IQCK: variants seen among roughly 807,000 people sequenced by gnomAD.
IQCK encodes IQ domain-containing protein K.
IQCK carries 29 observed loss-of-function variants against 28.1 expected under a neutral mutation model. The ratio of observed to expected loss-of-function variants is 1.03; its 90% CI spans 0.77 to 1.41. The LOEUF is 1.41. Ranked by LOEUF, IQCK falls within the 40% of genes most tolerant of loss-of-function variation. The pLI is 0.00. For missense variants in IQCK, 359 were observed against 314.7 expected (o/e 1.14, Z -1.07); for synonymous variants, 113 against 115.1 (o/e 0.98, Z 0.12).
At chr16:19,719,895 A>C (rs1418981971) in intron 1 of IQCK, among the ~76,000 whole-genome samples, 2 of 150,282 alleles carry the variant, frequency 1.3e-5, no homozygotes, top group African/African-American at 4.9e-5. Flanking sequence ...CTGCTCTTGA[A>C]CTCCTGACCT....
At chr16:19,842,359 T>A (rs1045328159) in intron 9 of IQCK, among the ~76,000 whole-genome samples, 1 of 152,248 alleles carries the variant, frequency 6.6e-6, no homozygotes, top group African/African-American at 2.4e-5. Context: ...ATTTTTTAAG[T>A]TGAAGGTGGC....
At chr16:19,778,398 G>A (rs1350406673) in intron 6 of IQCK, among the ~76,000 whole-genome samples, 1 of 152,142 alleles carries the variant, frequency 6.6e-6, no homozygotes, top group South Asian at 2.1e-4. Context: ...TGTAGTGCCT[G>A]TAATCCCAGC....
chr16:19,841,847 CTTT>C (rs35552172), intron 9 of IQCK, among the ~76,000 whole-genome samples: 4 of 143,498 alleles, frequency 2.8e-5, no homozygotes, highest in Non-Finnish European at 1.5e-5. Context: ...TGTAAGCCAT[CTTT>C]TTTTTTTTTT....
chr16:19,751,389 G>T (rs2054984761), intron 4 of IQCK, among the ~76,000 whole-genome samples: 1 of 152,010 alleles, frequency 6.6e-6, no homozygotes, highest in Admixed American at 6.6e-5. Flanking sequence ...GAGGTGAGAG[G>T]ATTGCTTGAG....
At chr16:19,828,690 A>C (rs2056184710), downstream of IQCK, among the ~76,000 whole-genome samples, 4 of 149,856 alleles carry the variant, frequency 2.7e-5, no homozygotes, top group South Asian at 8.4e-4. Context: ...CAGCCTGGCC[A>C]ACATGGTGAA....
At chr16:19,845,563 T>C (rs1033870813) in intron 9 of IQCK, among the ~76,000 whole-genome samples, 4 of 152,210 alleles carry the variant, frequency 2.6e-5, no homozygotes, top group Non-Finnish European at 4.4e-5. Context: ...ACTGCAGCAC[T>C]AAAACTCCAA....
intron 4 of IQCK, among the ~76,000 whole-genome samples, chr16:19,745,491 G>A (rs1227472687): frequency 6.6e-6 from 1 of 152,130 alleles, no homozygotes; most frequent in African/African-American, 2.4e-5. Flanking sequence ...AACAAAGTGG[G>A]TTTTATTTTA....
intron 6 of IQCK, chr16:19,764,426 T>C (rs1329006389): frequency 4.8e-6 from 1 of 206,446 alleles, no homozygotes; most frequent in African/African-American, 2.3e-5. Flanking sequence ...TCAGGAAATA[T>C]GACTAAGCTT....
intron 9 of IQCK, among the ~76,000 whole-genome samples, chr16:19,841,889 A>C (rs2056366061): frequency 6.6e-6 from 1 of 150,868 alleles, no homozygotes; most frequent in Non-Finnish European, 1.5e-5. Flanking sequence ...CTTGTCACCC[A>C]AGCTGGAGTT....
chr16:19,849,330 C>T (rs772150445), intron 9 of IQCK, among the ~76,000 whole-genome samples: 16 of 149,296 alleles, frequency 1.1e-4, no homozygotes, highest in Non-Finnish European at 1.8e-4. Context: ...TAATTTTGGA[C>T]GTAATGAATG....
At chr16:19,727,585 ACCC>A (rs10609957) in intron 1 of IQCK, among the ~76,000 whole-genome samples, 2,132 of 123,018 alleles carry the variant, frequency 0.017, 49 homozygotes, top group African/African-American at 0.056. Context: ...AGACTTTGTC[ACCC>A]CCCCCCCCCA....
At chr16:19,753,034 T>C (rs925106855) in intron 4 of IQCK, among the ~76,000 whole-genome samples, 10 of 151,510 alleles carry the variant, frequency 6.6e-5, no homozygotes, top group African/African-American at 2.2e-4. Flanking sequence ...GCCTATGTCC[T>C]ATAAGGCTCA....
chr16:19,828,204 G>C (rs554986786), downstream of IQCK, among the ~76,000 whole-genome samples: 3 of 149,264 alleles, frequency 2.0e-5, no homozygotes, highest in African/African-American at 7.4e-5. Context: ...GAGCCAGCGC[G>C]CCTGGCTGAT....
At chr16:19,754,411 T>TCCC (rs2055025266) in intron 4 of IQCK, among the ~76,000 whole-genome samples, 1 of 152,218 alleles carries the variant, frequency 6.6e-6, no homozygotes, top group Non-Finnish European at 1.5e-5. Flanking sequence ...GGACTCTGGG[T>TCCC]AGAGGCCATA....
intron 6 of IQCK, among the ~76,000 whole-genome samples, chr16:19,774,553 G>C (rs2151720708): frequency 6.6e-6 from 1 of 151,908 alleles, no homozygotes; most frequent in African/African-American, 2.4e-5. Context: ...CTAATTTTTT[G>C]TAGATTTCAC....
Position 19,748,846 on chromosome 16 carries a change from A to T in IQCK, c.474+13396A>T, listed in dbSNP as rs543745733. ...TAGAATCTGAGAATGTAATATAAAG[A>T]CACCTCCTAGAATTAAGCAACTGCT... On this transcript the variant is annotated intron_variant, in intron 4 of 7. Transcript: ENST00000564186. Among the ~76,000 whole-genome samples the T allele has an allele frequency of 5.3e-5, 8 of 152,288 alleles. No homozygotes were observed. In the South Asian group the frequency reaches 1.7e-3, roughly 32 times the overall value.
rs144617055 is a variant in IQCK at position 19,756,650 on chromosome 16, G to C, written c.475-7198G>C. ...GCCTGTAATCCCAGCACTTTGGGAG[G>C]CCGAGGCCAGCGGATCATGAGGTCA... is the stretch of plus-strand genomic sequence containing the variant. On this transcript the variant is annotated intron_variant, in intron 4 of 7. Transcript: ENST00000564186. 2.1e-3 allele frequency among the ~76,000 whole-genome samples: 314 copies of C among 152,246 alleles called. 2 individuals carry two copies. Among genetic ancestry groups the C allele is most frequent in the Middle Eastern group, 0.01 (3 of 294 alleles).
intron 9 of IQCK, among the ~76,000 whole-genome samples, chr16:19,848,672 T>C (rs1316301976): frequency 1.3e-5 from 2 of 152,172 alleles, no homozygotes; most frequent in African/African-American, 4.8e-5. Flanking sequence ...GGATCATCTT[T>C]AATCTTCATA....
intron 6 of IQCK, among the ~76,000 whole-genome samples, chr16:19,767,376 A>G (rs2055254216): frequency 6.6e-6 from 1 of 152,114 alleles, no homozygotes. Context: ...GCAAAGTTTT[A>G]TTGAGTGGAA....
Sources: allele counts gnomAD v4.1 joint callset (sites outside exome capture counted in the v4.1 genomes callset), GRCh38; gene constraint gnomAD v4.1.1; transcripts MANE v1.5; gene names NCBI Gene and HGNC (gene_info 2026-07-23, HGNC 2026-07-21).